Variants in ARMH3 observed in about 807,000 individuals in gnomAD.
The protein encoded by ARMH3 is armadillo like helical domain containing 3, also known as armadillo-like helical domain-containing protein 3.
In ARMH3, 60 loss-of-function variants were observed where a neutral mutation model predicts 99.1. That is an observed-to-expected ratio of 0.61 (90% CI 0.49 to 0.75). ARMH3 has a LOEUF of 0.75. ARMH3 is among the 30% of genes least tolerant of loss of function. ARMH3 has a pLI of 0.00. For missense variants in ARMH3, 679 were observed against 843.1 expected (o/e 0.81, Z 2.41); for synonymous variants, 285 against 292.8 (o/e 0.97, Z 0.27).
intron 23 of ARMH3, chr10:101,913,135 T>G (rs979973890): frequency 1.3e-5 from 2 of 151,374 alleles, no homozygotes; most frequent in Non-Finnish European, 2.9e-5. Context: ...CATGCACCAG[T>G]ACTCCTAGCT....
At chr10:101,989,706 G>C (rs1017598243) in intron 19 of ARMH3, among the ~76,000 whole-genome samples, 1 of 152,180 alleles carries the variant, frequency 6.6e-6, no homozygotes, top group African/African-American at 2.4e-5. Flanking sequence ...AGGCAACAGA[G>C]TGAGACTCCG....
rs542700143 is a variant in ARMH3 at position 101,976,383 on chromosome 10, ATCTC to A, written c.1407-1087_1407-1084del. On this transcript the variant is annotated intron_variant, in intron 19 of 25. Transcript: ENST00000370033. Reference sequence around the variant, plus strand: ...CTGCCTTCTTCTAGTAGATTAATCAATCTCTCTCTCTCTCTCTCTCTCTCTCTCT... The same window carrying A: ...CTGCCTTCTTCTAGTAGATTAATCAATCTCTCTCTCTCTCTCTCTCTCTCT... 7.0e-3 allele frequency among the ~76,000 whole-genome samples: 922 copies of A among 131,400 alleles called. 8 individuals carry two copies. The highest frequency in any genetic ancestry group is 0.023 in the African/African-American group (850 of 36,444). 86.2% of individuals were successfully genotyped at this position (131,400 alleles called of 152,430 possible).
chr10:101,993,607 A>G lies in ARMH3; in HGVS notation c.1210-4T>C. On this transcript the variant is annotated splice_polypyrimidine_tract_variant and splice_region_variant and intron_variant, in intron 16 of 25. Coordinates refer to ENST00000370033, the MANE Select transcript of ARMH3 (RefSeq NM_024541.3). ...AAAATGCATTGGCATATTGATCCTA[A>G]TAAAAATATAGAGAAAAAGTAAGAA... The G allele has an allele frequency of 6.4e-7, 1 of 1,573,938 alleles. No individual in the cohort carries two copies. Among genetic ancestry groups the G allele is most frequent in the Admixed American group, 1.8e-5 (1 of 55,352 alleles).
At chr10:101,958,924 AG>A (rs1845160995) in intron 20 of ARMH3, among the ~76,000 whole-genome samples, 2 of 152,192 alleles carry the variant, frequency 1.3e-5, no homozygotes, top group African/African-American at 4.8e-5. Flanking sequence ...ACAGCAGGCA[AG>A]GAAAGTACAA....
chr10:101,991,924 T>C (rs762362532), intron 18 of ARMH3, 45 bp downstream of exon 18: 17 of 1,515,998 alleles, frequency 1.1e-5, no homozygotes, highest in Non-Finnish European at 1.6e-5. Context: ...CATGAAAGCC[T>C]ATCGCTGTCA....
chr10:102,046,665 T>C (rs1233516723), intron 1 of ARMH3, among the ~76,000 whole-genome samples: 1 of 151,970 alleles, frequency 6.6e-6, no homozygotes, highest in Non-Finnish European at 1.5e-5. Context: ...AAAGAAAAAT[T>C]GAAAAGAAAA....
intron 2 of ARMH3, among the ~76,000 whole-genome samples, chr10:102,038,638 A>C (rs2067335024): frequency 6.6e-6 from 1 of 152,214 alleles, no homozygotes; most frequent in African/African-American, 2.4e-5. Context: ...TGAGGATACT[A>C]CCAGTGCCCT....
intron 23 of ARMH3, among the ~76,000 whole-genome samples, chr10:101,902,766 G>A (rs1366137538): frequency 5.9e-5 from 9 of 152,094 alleles, no homozygotes; most frequent in Non-Finnish European, 1.0e-4. Context: ...GCCCAGGAGA[G>A]GACTTAATGG....
chr10:101,939,332 C>T (rs1331003762), intron 23 of ARMH3, among the ~76,000 whole-genome samples: 1 of 152,176 alleles, frequency 6.6e-6, no homozygotes, highest in Non-Finnish European at 1.5e-5. Flanking sequence ...GTGGTGCCTC[C>T]TCAAGACCCT....
chr10:101,969,355 T>C (rs1454580465), intron 20 of ARMH3, among the ~76,000 whole-genome samples: 2 of 152,232 alleles, frequency 1.3e-5, no homozygotes, highest in African/African-American at 2.4e-5. Context: ...GTTCAAAGCA[T>C]AGTTTCTCAA....
At chr10:101,862,428 T>A (rs761457161) in intron 24 of ARMH3, among the ~76,000 whole-genome samples, 11 of 151,952 alleles carry the variant, frequency 7.2e-5, no homozygotes, top group Non-Finnish European at 1.3e-4. Flanking sequence ...AATACAAAAA[T>A]TAGCTGGCCG....
chr10:102,049,102 C>T (rs1321662056), intron 1 of ARMH3, among the ~76,000 whole-genome samples: 2 of 152,144 alleles, frequency 1.3e-5, no homozygotes, highest in Admixed American at 6.6e-5. Flanking sequence ...TACTGTTCCA[C>T]ATGGTTCCTT....
At chr10:101,852,145 C>T (rs1056471576) in intron 24 of ARMH3, among the ~76,000 whole-genome samples, 4 of 152,220 alleles carry the variant, frequency 2.6e-5, no homozygotes, top group African/African-American at 4.8e-5. Context: ...AACTTGGGCT[C>T]AGCCTTTCCT....
At chr10:101,986,727 C>T (rs555086148) in intron 19 of ARMH3, among the ~76,000 whole-genome samples, 2 of 152,238 alleles carry the variant, frequency 1.3e-5, no homozygotes, top group African/African-American at 4.8e-5. Context: ...CAGCTGGAAG[C>T]AGGAAGTTCA....
At chr10:101,862,151 A>G (rs1156977082) in intron 24 of ARMH3, among the ~76,000 whole-genome samples, 1 of 152,100 alleles carries the variant, frequency 6.6e-6, no homozygotes, top group Non-Finnish European at 1.5e-5. Context: ...TAGTAAATAC[A>G]TGGGTAAACA....
At chr10:102,017,830 C>T (rs950521686) in intron 8 of ARMH3, among the ~76,000 whole-genome samples, 29 of 152,334 alleles carry the variant, frequency 1.9e-4, no homozygotes, top group Middle Eastern at 3.4e-3. Flanking sequence ...TCACATTGCT[C>T]TGCATATTCT....
In ARMH3 at chr10:101,956,687, C is replaced by T. The variant is rs772828942; in HGVS notation, c.1615G>A (p.Asp539Asn). 9.9e-6 allele frequency: 16 copies of T among 1,613,228 alleles called. No individual in the cohort carries two copies. In the African/African-American group the frequency reaches 1.6e-4, roughly 16 times the overall value. ...NLFNMFITYG[D>N]TFLPTPSSYD... ...CTGCTGGGGGTTGGCAGAAATGTGTCGCCATATGTGATAAACATATTAAAT... is the reference window on the plus strand; with the variant it reads ...CTGCTGGGGGTTGGCAGAAATGTGTTGCCATATGTGATAAACATATTAAAT... Residue 539 changes from aspartate to asparagine, a missense_variant, in exon 22 of 26, where the codon GAC (aspartate) becomes AAC (asparagine). By Grantham distance (23) the Asp-to-Asn change is conservative (BLOSUM62 1). Transcript: ENST00000370033.
intron 1 of ARMH3, among the ~76,000 whole-genome samples, chr10:102,043,724 C>T (rs953322551): frequency 3.3e-5 from 5 of 152,180 alleles, no homozygotes; most frequent in Admixed American, 2.6e-4. Context: ...GTGTCTCAGA[C>T]ATAAGACATA....
At chr10:101,861,781 C>T (rs1465831946) in intron 24 of ARMH3, among the ~76,000 whole-genome samples, 7 of 147,674 alleles carry the variant, frequency 4.7e-5, no homozygotes, top group South Asian at 2.1e-4. Flanking sequence ...ACCTGTAATC[C>T]CAGCACTTTG....
Sources: allele counts gnomAD v4.1 joint callset (sites outside exome capture counted in the v4.1 genomes callset), GRCh38; gene constraint gnomAD v4.1.1; transcripts MANE v1.5; gene names NCBI Gene and HGNC (gene_info 2026-07-23, HGNC 2026-07-21).